PLEKHA7: variants seen among roughly 807,000 people sequenced by gnomAD.
PLEKHA7 encodes the protein pleckstrin homology domain-containing family A member 7.
Under a neutral mutation model 170.0 loss-of-function variants are expected in PLEKHA7, and 104 were observed. That is an observed-to-expected ratio of 0.61 (90% confidence interval 0.52 to 0.72). The LOEUF is 0.72. Among genes scored for constraint, PLEKHA7 ranks in the 30% least tolerant of loss-of-function variants. The pLI is 0.00. For synonymous variants in PLEKHA7, 648 were observed against 660.8 expected (o/e 0.98, Z 0.30); for missense variants, 1,615 against 1,671.7 (o/e 0.97, Z 0.59).
At chr11:16,879,390 G>A (rs763223131) in intron 3 of PLEKHA7, among the ~76,000 whole-genome samples, 5 of 152,218 alleles carry the variant, frequency 3.3e-5, no homozygotes, top group Middle Eastern at 3.4e-3. Context: ...GTGCAGAACC[G>A]ATGTCATTTT....
At chr11:16,855,569 A>T in intron 5 of PLEKHA7, 3 of 499,718 alleles carry the variant, frequency 6.0e-6, no homozygotes, top group Non-Finnish European at 3.5e-6. Flanking sequence ...GAAAGTGAAG[A>T]ACATGCTCAA....
intron 3 of PLEKHA7, among the ~76,000 whole-genome samples, chr11:16,989,913 T>A (rs1371906060): frequency 3.3e-5 from 5 of 152,100 alleles, no homozygotes; most frequent in Admixed American, 3.3e-4. Context: ...GGCCGAAGCA[T>A]GCCAGCACCA....
intron 3 of PLEKHA7, among the ~76,000 whole-genome samples, chr11:16,885,707 AC>A (rs1282223509): frequency 6.7e-6 from 1 of 148,874 alleles, no homozygotes; most frequent in Non-Finnish European, 1.5e-5. Flanking sequence ...TGAAAGGTAA[AC>A]CCCGGCCAGG....
intron 13 of PLEKHA7, among the ~76,000 whole-genome samples, chr11:16,810,781 A>C (rs1348079232): frequency 2.0e-5 from 3 of 152,238 alleles, no homozygotes; most frequent in African/African-American, 7.2e-5. Context: ...CTTTGGGTAC[A>C]CAGTGGTAGA....
Position 16,789,368 on chromosome 11 carries a change from T to C in PLEKHA7, c.3157-72A>G, listed in dbSNP as rs1849634425. The C allele has an allele frequency of 7.0e-7, 1 of 1,432,860 alleles. No homozygotes were observed. The highest frequency in any genetic ancestry group is 9.7e-7 in the Non-Finnish European group (1 of 1,027,358). 88.8% of individuals were successfully genotyped at this position (1,432,860 alleles called of 1,614,324 possible). ...GGCACGCAGAGGACAGCCACCCTGC[T>C]GGCTGCATTCCCGTTGTCTCTCTCT... On this transcript the variant is annotated intron_variant, in intron 22 of 26. Coordinates refer to ENST00000531066, the MANE Select transcript of PLEKHA7 (RefSeq NM_001329630.2). This position sits in a 1 kb window ranked among gnomAD's most constrained non-coding sequence, Gnocchi z 4.6.
chr11:16,929,890 G>C (rs1433746705), intron 3 of PLEKHA7, among the ~76,000 whole-genome samples: 2 of 152,192 alleles, frequency 1.3e-5, no homozygotes, highest in East Asian at 3.8e-4. Flanking sequence ...TGTAATCCCA[G>C]CTACTCGGGA....
In PLEKHA7 at chr11:16,851,193, T is replaced by C; in HGVS notation, c.694A>G (p.Lys232Glu). Residue 232 changes from lysine to glutamate, a missense_variant and splice_region_variant, in exon 8 of 27, where the codon AAG becomes GAG. Transcript: ENST00000531066. ...CATTAGAGGTGCAGGGGCAGTACCTTAAAGGAATATTTGCGGCTTATGCGA... is the reference window on the plus strand; with the variant it reads ...CATTAGAGGTGCAGGGGCAGTACCTCAAAGGAATATTTGCGGCTTATGCGA... ...EDRISRKYSF[K>E]AVHTGMRALI... 1.2e-6 allele frequency: 2 copies of C among 1,604,896 alleles called. No homozygotes were observed. The highest frequency in any genetic ancestry group is 1.7e-6 in the Non-Finnish European group (2 of 1,175,104).
intron 3 of PLEKHA7, among the ~76,000 whole-genome samples, chr11:16,940,501 T>C (rs1016478386): frequency 1.3e-5 from 2 of 151,938 alleles, no homozygotes; most frequent in African/African-American, 2.4e-5. Flanking sequence ...GATTGGCTGC[T>C]GGTCTTGAAC....
At chr11:16,934,934 C>A (rs1306707977) in intron 3 of PLEKHA7, among the ~76,000 whole-genome samples, 1 of 152,160 alleles carries the variant, frequency 6.6e-6, no homozygotes, top group African/African-American at 2.4e-5. Flanking sequence ...TCATACTTTT[C>A]TGTCCCTAAT....
At chr11:16,814,524 C>A (rs942693790) in intron 12 of PLEKHA7, among the ~76,000 whole-genome samples, 1 of 152,184 alleles carries the variant, frequency 6.6e-6, no homozygotes, top group South Asian at 2.1e-4. Flanking sequence ...GGGAGGGCAG[C>A]CCCCTAGCCA....
chr11:16,908,279 GA>G (rs35715580), intron 3 of PLEKHA7, among the ~76,000 whole-genome samples: 1,904 of 141,344 alleles, frequency 0.013, 18 homozygotes, highest in Non-Finnish European at 0.019. Context: ...AAGAAAATTG[GA>G]AAAAAAAAAA....
At chr11:16,828,764 C>T (rs539982568) in intron 9 of PLEKHA7, among the ~76,000 whole-genome samples, 5 of 152,316 alleles carry the variant, frequency 3.3e-5, no homozygotes, top group South Asian at 4.1e-4. Context: ...CCCTGTCCAG[C>T]TGAGGCTCCA....
chr11:16,957,665 T>C (rs139593894), intron 3 of PLEKHA7, among the ~76,000 whole-genome samples: 11 of 151,974 alleles, frequency 7.2e-5, no homozygotes, highest in Middle Eastern at 3.4e-3. Flanking sequence ...GTTAATTTTA[T>C]ATTACATGAA....
intron 3 of PLEKHA7, among the ~76,000 whole-genome samples, chr11:16,899,504 A>C (rs1180111982): frequency 6.6e-6 from 1 of 152,208 alleles, no homozygotes; most frequent in Non-Finnish European, 1.5e-5. Flanking sequence ...ATCTCAAAAC[A>C]AAACTTTTGC....
Position 16,980,136 on chromosome 11 carries a change from G to GA in PLEKHA7, c.221+33852dup, listed in dbSNP as rs550133109. Among the ~76,000 whole-genome samples, 10 of 152,316 alleles carry GA rather than the reference G, an allele frequency of 6.6e-5. No homozygotes were observed. In the South Asian group the frequency reaches 2.1e-3, roughly 32 times the overall value. On this transcript the variant is annotated intron_variant, in intron 3 of 26. Coordinates refer to ENST00000531066, the MANE Select transcript of PLEKHA7 (RefSeq NM_001329630.2). Reference sequence around the variant, plus strand: ...CTCTTCAATGCTTGTTTCCTTCAAAGAAACTCAGTCCAGCATTGAGCCTAG... The same window carrying GA: ...CTCTTCAATGCTTGTTTCCTTCAAAGAAAACTCAGTCCAGCATTGAGCCTAG...
intron 3 of PLEKHA7, among the ~76,000 whole-genome samples, chr11:17,001,712 G>T (rs1265827185): frequency 6.7e-6 from 1 of 150,308 alleles, no homozygotes; most frequent in East Asian, 2.0e-4. Flanking sequence ...AGCTACAAGA[G>T]GTAGCCAGCA....
chr11:16,931,876 AAGGTGCCAGAAAG>A (rs1452398887), intron 3 of PLEKHA7, among the ~76,000 whole-genome samples: 2 of 152,196 alleles, frequency 1.3e-5, no homozygotes, highest in Non-Finnish European at 2.9e-5. Flanking sequence ...GGCACGATGA[AAGGTGCCAGAAAG>A]AGGAAAATAC....
intron 21 of PLEKHA7, chr11:16,790,095 C>T: frequency 1.8e-6 from 1 of 561,218 alleles, no homozygotes; most frequent in African/African-American, 1.9e-5. Context: ...GGGGCAGTGT[C>T]CCTGCAGATC....
At chr11:16,855,137 G>A in intron 5 of PLEKHA7, 144 bp from the exon 6 acceptor site, 1 of 667,934 alleles carries the variant, frequency 1.5e-6, no homozygotes, top group Non-Finnish European at 2.6e-6. Flanking sequence ...AGAAGACAGG[G>A]AACGGGCGTG....
Sources: allele counts gnomAD v4.1 joint callset (sites outside exome capture counted in the v4.1 genomes callset), GRCh38; gene constraint gnomAD v4.1.1; non-coding constraint Gnocchi (gnomAD v3.1); transcripts MANE v1.5; gene names NCBI Gene and HGNC (gene_info 2026-07-23, HGNC 2026-07-21).